The following VRK2 variants were observed in gnomAD, a reference collection of about 807,000 sequenced individuals.
VRK2 encodes the protein VRK serine/threonine kinase 2.
VRK2 carries 60 observed loss-of-function variants against 57.6 expected under a neutral mutation model. The observed-to-expected ratio is 1.04, with a 90% CI of 0.85 to 1.29. VRK2 has a LOEUF of 1.29. VRK2 is among the 50% of genes most tolerant of loss of function. The probability of loss-of-function intolerance (pLI) is 0.00; values close to 1 mark genes in which losing one functional copy is unlikely to be tolerated. For missense variants in VRK2, 705 were observed against 588.1 expected (o/e 1.20, Z -2.06); for synonymous variants, 231 against 199.2 (o/e 1.16, Z -1.35).
chr2:58,036,596 A>G (rs1221372942), intron 3 of VRK2, among the ~76,000 whole-genome samples: 1 of 152,086 alleles, frequency 6.6e-6, no homozygotes, highest in Non-Finnish European at 1.5e-5. Context: ...GTTCAAATTA[A>G]TATATACAGA....
chr2:58,076,032 G>T (rs1390191075), intron 2 of VRK2, among the ~76,000 whole-genome samples: 1 of 151,020 alleles, frequency 6.6e-6, no homozygotes, highest in Admixed American at 6.6e-5. Context: ...CAGGAGTAAG[G>T]ACCTCCAAGC....
At chr2:58,115,039 A>G (rs1038230604) in intron 7 of VRK2, among the ~76,000 whole-genome samples, 1 of 152,134 alleles carries the variant, frequency 6.6e-6, no homozygotes. Flanking sequence ...GAACACTGAG[A>G]AGTTATTTCC....
intron 2 of VRK2, among the ~76,000 whole-genome samples, chr2:58,055,867 A>G (rs1205415671): frequency 6.6e-6 from 1 of 152,242 alleles, no homozygotes; most frequent in Non-Finnish European, 1.5e-5. Flanking sequence ...TCCTCAATGC[A>G]GAAAATCTTC....
chr2:58,022,593 G>A (rs1330761798), intron 1 of VRK2, among the ~76,000 whole-genome samples: 1 of 152,190 alleles, frequency 6.6e-6, no homozygotes, highest in African/African-American at 2.4e-5. Context: ...TTCATATACT[G>A]TGCTGCCCAC....
chr2:58,129,593 A>G (rs1558673291), intron 8 of VRK2, among the ~76,000 whole-genome samples: 1 of 152,250 alleles, frequency 6.6e-6, no homozygotes, highest in Non-Finnish European at 1.5e-5. Context: ...ACATGCATAC[A>G]TAGATTTTAA....
intron 2 of VRK2, among the ~76,000 whole-genome samples, chr2:58,069,807 A>G (rs941297769): frequency 1.1e-4 from 16 of 152,140 alleles, no homozygotes; most frequent in Admixed American, 5.2e-4. Flanking sequence ...CTTCTTAACT[A>G]GAGAGCTTCT....
intron 1 of VRK2, among the ~76,000 whole-genome samples, chr2:57,958,699 G>A (rs1671663865): frequency 6.6e-6 from 1 of 151,994 alleles, no homozygotes; most frequent in Non-Finnish European, 1.5e-5. Context: ...ATCCCTGCAT[G>A]ATTTAGACAG....
chr2:57,978,645 T>TA lies in VRK2; in HGVS notation c.-438-47020_-438-47019insA, dbSNP rs200200182. Among the ~76,000 whole-genome samples, 924 of 150,800 alleles carry TA rather than the reference T, an allele frequency of 6.1e-3. 65 individuals carry two copies. The highest frequency in any genetic ancestry group is 0.022 in the African/African-American group (871 of 40,256). ...CCTCAGGCCAAGTATCTTTTTTTTT[T>TA]TATATATTGGCTTACTTGATTTGTT... On this transcript the variant is annotated intron_variant, in intron 1 of 15. Transcript: ENST00000417641.
At chr2:57,913,311 G>A (rs550196595) in intron 1 of VRK2, among the ~76,000 whole-genome samples, 1 of 152,236 alleles carries the variant, frequency 6.6e-6, no homozygotes, top group East Asian at 1.9e-4. Context: ...GTATTTTATA[G>A]GGATTACGTA....
chr2:57,942,031 G>A (rs2717039), intron 1 of VRK2, among the ~76,000 whole-genome samples: 1 of 151,992 alleles, frequency 6.6e-6, no homozygotes, highest in Non-Finnish European at 1.5e-5. Context: ...GCACTGCTGT[G>A]ATGGGCCTTC....
intron 1 of VRK2, among the ~76,000 whole-genome samples, chr2:57,989,067 T>G (rs1312329554): frequency 2.0e-5 from 3 of 152,146 alleles, no homozygotes; most frequent in Non-Finnish European, 4.4e-5. Flanking sequence ...ATAGCAACCC[T>G]TACTAGCTCA....
At chr2:58,116,099 C>G (rs1332950828) in intron 7 of VRK2, among the ~76,000 whole-genome samples, 2 of 152,096 alleles carry the variant, frequency 1.3e-5, no homozygotes, top group African/African-American at 2.4e-5. Context: ...GTTTTAGAAG[C>G]CCATGCTGTA....
At chr2:57,959,904 G>C (rs1390676590) in intron 1 of VRK2, among the ~76,000 whole-genome samples, 1 of 152,030 alleles carries the variant, frequency 6.6e-6, no homozygotes, top group African/African-American at 2.4e-5. Context: ...AGCCTTAGAG[G>C]GGGGTTTGTT....
intron 1 of VRK2, among the ~76,000 whole-genome samples, chr2:58,002,939 T>A (rs569403642): frequency 1.2e-4 from 19 of 152,332 alleles, no homozygotes; most frequent in African/African-American, 4.1e-4. Context: ...AGGGTCATGA[T>A]GCCCATCAAG....
intron 7 of VRK2, among the ~76,000 whole-genome samples, chr2:58,094,164 A>G (rs1274020270): frequency 6.6e-6 from 1 of 152,122 alleles, no homozygotes; most frequent in Admixed American, 6.5e-5. Flanking sequence ...TTTTGGTTCC[A>G]TATGAACTTT....
Position 58,130,472 on chromosome 2 carries a change from G to C in VRK2, c.677-1336G>C, listed in dbSNP as rs549052807. 5.3e-4 allele frequency among the ~76,000 whole-genome samples: 81 copies of C among 152,242 alleles called. 1 individual carries two copies. The highest frequency in any genetic ancestry group is 1.9e-3 in the African/African-American group (80 of 41,546). On this transcript the variant is annotated intron_variant, in intron 8 of 12. Transcript: ENST00000340157. ...GTGCAGAAAGTAAATGGCACCCATG[G>C]GACTGTAGCATTCTGCTAGATTGAA...
chr2:57,977,410 G>T (rs953308634), intron 1 of VRK2, among the ~76,000 whole-genome samples: 1 of 152,054 alleles, frequency 6.6e-6, no homozygotes, highest in African/African-American at 2.4e-5. Context: ...GTGTTTTGTA[G>T]TTATCATTGT....
intron 1 of VRK2, among the ~76,000 whole-genome samples, chr2:57,997,795 T>C (rs1250627674): frequency 6.6e-6 from 1 of 151,380 alleles, no homozygotes; most frequent in Non-Finnish European, 1.5e-5. Flanking sequence ...CTCAGGAGGC[T>C]GAAGTGGGTG....
At chr2:58,025,421 C>G (rs1673895015) in intron 1 of VRK2, among the ~76,000 whole-genome samples, 1 of 152,032 alleles carries the variant, frequency 6.6e-6, no homozygotes, top group African/African-American at 2.4e-5. Flanking sequence ...AATTCAAAGG[C>G]CAATTTTGGA....
Sources: allele counts gnomAD v4.1 joint callset (sites outside exome capture counted in the v4.1 genomes callset), GRCh38; gene constraint gnomAD v4.1.1; transcripts MANE v1.5; gene names NCBI Gene and HGNC (gene_info 2026-07-23, HGNC 2026-07-21).